HFM1: variants seen among roughly 807,000 people sequenced by gnomAD.
The protein encoded by HFM1 is probable ATP-dependent DNA helicase HFM1.
HFM1 carries 169 observed loss-of-function variants against 192.1 expected under a neutral mutation model. The ratio of observed to expected loss-of-function variants is 0.88; its 90% CI spans 0.78 to 1.00. HFM1 has a LOEUF of 1.00. Among genes scored for constraint, HFM1 ranks in the 50% least tolerant of loss-of-function variants. The pLI is 0.00. For missense variants in HFM1, 1,661 were observed against 1,668.0 expected (o/e 1.00, Z 0.07); for synonymous variants, 525 against 537.8 (o/e 0.98, Z 0.33).
chr1:91,285,958 C>T (rs1270786880), intron 30 of HFM1, among the ~76,000 whole-genome samples: 2 of 152,138 alleles, frequency 1.3e-5, no homozygotes, highest in Non-Finnish European at 2.9e-5. Context: ...CATGGTATCA[C>T]AGTACTTGTG....
At position 91,385,835 on chromosome 1, in the gene HFM1, C is replaced by G; in HGVS notation, c.495-1G>C. ...TATATTGTCAGATATTTTAAATAAT[C>G]TGCAAACAAAAAAAAGACCCACATA... On this transcript the variant is annotated splice_acceptor_variant, in intron 4 of 38. Coordinates refer to ENST00000370425, the MANE Select transcript of HFM1 (RefSeq NM_001017975.6). LOFTEE classifies it high-confidence loss of function. The G allele has an allele frequency of 6.3e-7, 1 of 1,583,224 alleles. No homozygotes were observed.
rs200919681 is a variant in HFM1 at position 91,353,173 on chromosome 1, C to T, written c.1730-21G>A. The T allele has an allele frequency of 1.9e-6, 3 of 1,563,188 alleles. No individual in the cohort carries two copies. The African/African-American group carries it at 4.1e-5, about 21-fold the overall frequency. ...GATATCTGTAATAGAAATATATCAG[C>T]TGTTACTATTAATATTTCATCAATA... On this transcript the variant is annotated intron_variant, in intron 14 of 38. Coordinates refer to ENST00000370425, the MANE Select transcript of HFM1 (RefSeq NM_001017975.6).
chr1:91,404,703 C>T (rs1664697909), intron 1 of HFM1, 95 bp downstream of exon 1: 9 of 388,410 alleles, frequency 2.3e-5, no homozygotes, highest in South Asian at 1.6e-4. Flanking sequence ...AGAGATCGAC[C>T]GCTGCCCGGA....
chr1:91,334,919 ACTCT>A lies in HFM1; in HGVS notation c.2335+8507_2335+8510del, dbSNP rs1199043890. Reference sequence around the variant, plus strand: ...ACTCTAGCCTGGGTGACAGAGCAAGACTCTCTGTCTCAAAAAAAAAAAAAAAGTT... The same window carrying A: ...ACTCTAGCCTGGGTGACAGAGCAAGACTGTCTCAAAAAAAAAAAAAAAGTT... On this transcript the variant is annotated intron_variant, in intron 20 of 38. Transcript: ENST00000370425. Among the ~76,000 whole-genome samples the A allele has an allele frequency of 2.9e-4, 43 of 149,572 alleles. No individual in the cohort carries two copies. In the Admixed American group the frequency reaches 2.9e-3, roughly 10 times the overall value.
intron 13 of HFM1, among the ~76,000 whole-genome samples, chr1:91,364,632 A>ATATATATTTTTT (rs753472335): frequency 2.2e-3 from 150 of 66,748 alleles, no homozygotes; most frequent in African/African-American, 3.2e-3. Flanking sequence ...ATATATATAT[A>ATATATATTTTTT]TTTTTTTTTT....
intron 25 of HFM1, 57 bp from the exon 26 acceptor site, chr1:91,316,533 T>C: frequency 4.3e-6 from 3 of 700,966 alleles, no homozygotes; most frequent in South Asian, 3.4e-5. Flanking sequence ...ATAAAACATA[T>C]ATTTAAATAT....
At chr1:91,329,221 T>A in intron 20 of HFM1, 1 of 1,609,706 alleles carries the variant, frequency 6.2e-7, no homozygotes, top group Non-Finnish European at 8.5e-7. Context: ...GCTTACCAGC[T>A]CTTCTTGGAA....
At chr1:91,396,567 T>C (rs1173451866) in intron 2 of HFM1, among the ~76,000 whole-genome samples, 162 bp from the exon 3 acceptor site, 1 of 152,234 alleles carries the variant, frequency 6.6e-6, no homozygotes, top group East Asian at 1.9e-4. Context: ...CTCAACCTTT[T>C]ACCCTTATAT....
At chr1:91,326,481 A>T (rs1451453588) in intron 20 of HFM1, among the ~76,000 whole-genome samples, 1 of 152,246 alleles carries the variant, frequency 6.6e-6, no homozygotes, top group East Asian at 1.9e-4. Flanking sequence ...AAAGAAAAAA[A>T]AAACCCTTTT....
chr1:91,277,712 T>TAATATATA (rs1667012050), intron 30 of HFM1, among the ~76,000 whole-genome samples: 1 of 103,728 alleles, frequency 9.6e-6, no homozygotes, highest in African/African-American at 4.0e-5. Context: ...TTATATATAC[T>TAATATATA]TTATATAATA....
At chr1:91,303,897 G>A (rs1649212738) in intron 30 of HFM1, among the ~76,000 whole-genome samples, 1 of 152,150 alleles carries the variant, frequency 6.6e-6, no homozygotes, top group Admixed American at 6.5e-5. Context: ...CCAGGTTGGA[G>A]TGCAGTGGCA....
intron 30 of HFM1, among the ~76,000 whole-genome samples, chr1:91,278,201 G>A (rs1667128499): frequency 6.6e-6 from 1 of 151,596 alleles, no homozygotes; most frequent in African/African-American, 2.4e-5. Flanking sequence ...AAATGCTTTA[G>A]GGATCTAAGA....
rs939878737 is a variant in HFM1, at chr1:91,261,973, G to A, written c.4238+268C>T. Among the ~76,000 whole-genome samples the A allele has an allele frequency of 2.4e-4, 37 of 152,128 alleles. 1 individual carries two copies. The highest frequency in any genetic ancestry group is 8.7e-4 in the African/African-American group (36 of 41,446). On this transcript the variant is annotated intron_variant, in intron 38 of 38. Coordinates refer to ENST00000370425, the MANE Select transcript of HFM1 (RefSeq NM_001017975.6). ...TTACCCTTTACAAAATTAACATACT[G>A]TATTCAAATCAGTAAAAGTAAGTTT...
At chr1:91,277,906 TA>T (rs1227685395) in intron 30 of HFM1, among the ~76,000 whole-genome samples, 9 of 134,666 alleles carry the variant, frequency 6.7e-5, no homozygotes, top group South Asian at 2.1e-4. Context: ...TGCTTATATA[TA>T]ATATATACAC....
intron 20 of HFM1, among the ~76,000 whole-genome samples, chr1:91,340,191 G>A (rs995518292): frequency 3.3e-5 from 5 of 152,002 alleles, no homozygotes; most frequent in Non-Finnish European, 5.9e-5. Context: ...AAAATTTTTT[G>A]TAGAGACAAG....
chr1:91,279,411 T>C (rs952625643), intron 30 of HFM1, among the ~76,000 whole-genome samples: 3 of 152,194 alleles, frequency 2.0e-5, no homozygotes, highest in African/African-American at 7.2e-5. Context: ...ACTGGTTTCT[T>C]TGAATCCAGT....
rs1003287440 is a variant in HFM1, at chr1:91,375,383, T to C, written c.1660A>G (p.Ile554Val). Residue 554 changes from isoleucine to valine, a missense_variant, in exon 13 of 39, where the codon ATT becomes GTT. Physicochemically the swap from Ile to Val is conservative, Grantham distance 29. Transcript: ENST00000370425. ...ASVLVKDAKF[I>V]MTVEQKQRLQ... ...CTCTGTTTCTGTTCCACAGTCATAA[T>C]AAATTTAGCATCTTTCACAAGAACA... 1 of 1,612,538 alleles carries C rather than the reference T, an allele frequency of 6.2e-7. No homozygotes were observed. The highest frequency in any genetic ancestry group is 8.5e-7 in the Non-Finnish European group (1 of 1,179,058).
In HFM1 at chr1:91,313,956, C is replaced by A. The variant is rs775670967; in HGVS notation, c.3244+1G>T. On this transcript the variant is annotated splice_donor_variant, in intron 29 of 38. Coordinates refer to ENST00000370425, the MANE Select transcript of HFM1 (RefSeq NM_001017975.6). LOFTEE classifies it high-confidence loss of function. The stretch of plus-strand genomic sequence containing the variant: ...TGTCTTCATTACTTCAATTAACTTA[C>A]CAAATTCAGAACTTATTAGATTTAT... The A allele has an allele frequency of 2.1e-5, 32 of 1,520,680 alleles. No individual in the cohort carries two copies. The highest frequency in any genetic ancestry group is 2.7e-5 in the Non-Finnish European group (30 of 1,105,120). 94.2% of individuals were successfully genotyped at this position (1,520,680 alleles called of 1,614,324 possible). A position where few individuals can be genotyped will look rare whatever the true frequency, so the allele number is the denominator to read the frequency against.
chr1:91,348,424 T>C lies in HFM1; in HGVS notation c.2207-948A>G, dbSNP rs1656435101. Among the ~76,000 whole-genome samples, 4 of 152,176 alleles carry C rather than the reference T, an allele frequency of 2.6e-5. No homozygotes were observed. In the South Asian group the frequency reaches 8.3e-4, roughly 31 times the overall value. The stretch of plus-strand genomic sequence containing the variant: ...AATTTAGCCACAGGTATCAAATTTA[T>C]AAATGCATATATCCTTTGACACAGG... On this transcript the variant is annotated intron_variant, in intron 18 of 38. Transcript: ENST00000370425.
Sources: allele counts gnomAD v4.1 joint callset (sites outside exome capture counted in the v4.1 genomes callset), GRCh38; gene constraint gnomAD v4.1.1; transcripts MANE v1.5; gene names NCBI Gene and HGNC (gene_info 2026-07-23, HGNC 2026-07-21).